TXNL4A: variants seen among roughly 807,000 people sequenced by gnomAD.
TXNL4A encodes the protein thioredoxin like 4A, also known as thioredoxin-like protein 4A.
In TXNL4A, 17 loss-of-function variants were observed where a neutral mutation model predicts 14.6. The observed-to-expected ratio is 1.16, with a 90% confidence interval of 0.80 to 1.74. The LOEUF (loss-of-function observed/expected upper bound fraction) is 1.74. Ranked by LOEUF, TXNL4A falls within the 40% of genes most tolerant of loss-of-function variation. TXNL4A has a pLI of 0.00. For synonymous variants in TXNL4A, 83 were observed against 70.6 expected (o/e 1.18, Z -0.88); for missense variants, 74 against 195.2 (o/e 0.38, Z 3.70).
chr18:80,030,080 A>G (rs1299651274), intron 1 of TXNL4A, among the ~76,000 whole-genome samples: 3 of 151,874 alleles, frequency 2.0e-5, no homozygotes, highest in African/African-American at 4.8e-5. Context: ...TCATGGATTC[A>G]TCTCTCTCAT....
chr18:79,974,222 G>A (rs1002480674), intron 2 of TXNL4A, among the ~76,000 whole-genome samples: 2 of 152,084 alleles, frequency 1.3e-5, no homozygotes, highest in African/African-American at 4.8e-5. Context: ...AGATCAACAT[G>A]GATAACAAAA....
At chr18:79,983,180 T>C (rs2051490418) in intron 1 of TXNL4A, among the ~76,000 whole-genome samples, 1 of 152,242 alleles carries the variant, frequency 6.6e-6, no homozygotes, top group East Asian at 1.9e-4. Context: ...TTTGTATTTT[T>C]AGTAGAGATG....
chr18:79,990,261 T>C (rs141010532), upstream of TXNL4A, among the ~76,000 whole-genome samples: 18 of 152,374 alleles, frequency 1.2e-4, 1 homozygote, highest in East Asian at 3.5e-3. Context: ...TGCTTTATTG[T>C]AATGAAACAA....
Position 79,973,305 on chromosome 18 carries a change from T to A in TXNL4A, c.*380A>T. 6.0e-6 allele frequency: 1 copy of A among 165,568 alleles called. No homozygotes were observed. The highest frequency in any genetic ancestry group is 1.3e-5 in the Non-Finnish European group (1 of 77,488). 10.3% of individuals were successfully genotyped at this position (165,568 alleles called of 1,614,324 possible). ...GACACCCTGATCTCAGACCCCCGCC[T>A]GCAAAGCTGTGAGAGCACACATCTC... On this transcript the variant is annotated 3_prime_UTR_variant, in exon 3 of 3. Transcript: ENST00000269601.
chr18:80,024,587 C>T (rs2051871984), intron 1 of TXNL4A, among the ~76,000 whole-genome samples: 1 of 152,206 alleles, frequency 6.6e-6, no homozygotes, highest in African/African-American at 2.4e-5. Context: ...AATAGAGCAC[C>T]TTGCTTCCCT....
intron 1 of TXNL4A, among the ~76,000 whole-genome samples, chr18:79,998,335 T>A (rs1041859024): frequency 2.0e-5 from 3 of 151,930 alleles, no homozygotes; most frequent in African/African-American, 7.3e-5. Context: ...AATTTCTTCC[T>A]TATGGCTCAA....
At chr18:80,001,285 A>G (rs1199170414) in intron 1 of TXNL4A, among the ~76,000 whole-genome samples, 1 of 152,198 alleles carries the variant, frequency 6.6e-6, no homozygotes, top group Non-Finnish European at 1.5e-5. Flanking sequence ...CAGAGGATAT[A>G]TGGAAATGCC....
chr18:79,995,102 T>G (rs1204987268), intron 1 of TXNL4A: 1 of 152,256 alleles, frequency 6.6e-6, no homozygotes, highest in Non-Finnish European at 1.5e-5. Flanking sequence ...ATGGCTGAGT[T>G]GCGAGGCATA....
At chr18:79,986,943 G>A (rs139050175) in intron 1 of TXNL4A, among the ~76,000 whole-genome samples, 1 of 152,154 alleles carries the variant, frequency 6.6e-6, no homozygotes, top group African/African-American at 2.4e-5. Flanking sequence ...TCCCCGGCTG[G>A]CAGAACCCCC....
chr18:79,988,130 G>C, intron 1 of TXNL4A, 110 bp downstream of exon 1: 1 of 1,249,344 alleles, frequency 8.0e-7, no homozygotes. Flanking sequence ...CGACGGAGCC[G>C]CGGCCCCTCC....
intron 1 of TXNL4A, among the ~76,000 whole-genome samples, chr18:79,987,962 C>T (rs150031657): frequency 1.7e-4 from 26 of 152,390 alleles, no homozygotes; most frequent in Middle Eastern, 3.4e-3. Context: ...TTGGGAAAAA[C>T]GCCTTATCAA....
At chr18:79,998,448 C>G (rs1447403121) in intron 1 of TXNL4A, among the ~76,000 whole-genome samples, 1 of 152,038 alleles carries the variant, frequency 6.6e-6, no homozygotes, top group Non-Finnish European at 1.5e-5. Context: ...AACTAATGCC[C>G]CAGCCTTAGG....
At chr18:79,978,931 G>C (rs534784718) in intron 1 of TXNL4A, among the ~76,000 whole-genome samples, 1 of 151,040 alleles carries the variant, frequency 6.6e-6, no homozygotes, top group Non-Finnish European at 1.5e-5. Flanking sequence ...TTAATTTTGA[G>C]CATTCTTTTT....
upstream of TXNL4A, among the ~76,000 whole-genome samples, chr18:79,992,430 A>G (rs1972752): frequency 0.13 from 19,081 of 152,164 alleles, 2,059 homozygotes; most frequent in East Asian, 0.44. Flanking sequence ...GTGGTGAGAC[A>G]AGGTGGTGGT....
At chr18:80,009,694 C>T (rs1342904148) in intron 1 of TXNL4A, among the ~76,000 whole-genome samples, 1 of 152,144 alleles carries the variant, frequency 6.6e-6, no homozygotes, top group Non-Finnish European at 1.5e-5. Context: ...AGGGCCAGGT[C>T]GGCAACTTGA....
At chr18:80,008,134 G>A (rs1008232007) in intron 1 of TXNL4A, among the ~76,000 whole-genome samples, 1 of 152,100 alleles carries the variant, frequency 6.6e-6, no homozygotes, top group Non-Finnish European at 1.5e-5. Context: ...CCTGGGAGAT[G>A]GAGTCTTAAA....
At chr18:79,980,606 G>T (rs1323593898) in intron 1 of TXNL4A, among the ~76,000 whole-genome samples, 1 of 152,162 alleles carries the variant, frequency 6.6e-6, no homozygotes, top group South Asian at 2.1e-4. Flanking sequence ...GGAGCAGGGT[G>T]GGGAGAGGGG....
chr18:79,999,589 T>C (rs1457002938), intron 1 of TXNL4A, among the ~76,000 whole-genome samples: 1 of 122,608 alleles, frequency 8.2e-6, no homozygotes, highest in African/African-American at 3.0e-5. Context: ...TTCACAACCA[T>C]AAAAATCCCA....
At position 80,003,228 on chromosome 18, in the gene TXNL4A, G is replaced by T. The variant is rs541268176; in HGVS notation, c.-60-25527C>A. 1.7e-3 allele frequency among the ~76,000 whole-genome samples: 260 copies of T among 152,352 alleles called. 1 individual carries two copies. Among genetic ancestry groups the T allele is most frequent in the African/African-American group, 5.9e-3 (247 of 41,584 alleles). ...AGGATAGGCCTAGGATGTCCATCCA[G>T]CTGGCTACATCCTCAAGAGCTCATG... On this transcript the variant is annotated intron_variant, in intron 1 of 2. Transcript: ENST00000585474.
Sources: allele counts gnomAD v4.1 joint callset (sites outside exome capture counted in the v4.1 genomes callset), GRCh38; gene constraint gnomAD v4.1.1; transcripts MANE v1.5; gene names NCBI Gene and HGNC (gene_info 2026-07-23, HGNC 2026-07-21).